L3MBTL1: variants seen among roughly 807,000 people sequenced by gnomAD.
L3MBTL1 encodes L3MBTL histone methyl-lysine binding protein 1.
L3MBTL1 carries 75 observed loss-of-function variants against 105.3 expected under a neutral mutation model. The ratio of observed to expected loss-of-function variants is 0.71; its 90% CI spans 0.59 to 0.86. The LOEUF is 0.86. Among genes scored for constraint, L3MBTL1 ranks in the 40% least tolerant of loss-of-function variants. The pLI, the probability that L3MBTL1 is intolerant of heterozygous loss-of-function variation, is 0.00. For missense variants in L3MBTL1, 1,069 were observed against 1,126.4 expected (o/e 0.95, Z 0.73); for synonymous variants, 452 against 436.2 (o/e 1.04, Z -0.45).
chr20:43,510,408 T>TTCTTTC (rs201351301), intron 1 of L3MBTL1, among the ~76,000 whole-genome samples: 717 of 68,632 alleles, frequency 0.01, 5 homozygotes, highest in African/African-American at 0.033. Context: ...CTTTCTTTCT[T>TTCTTTC]TTTTTTTTTT....
intron 13 of L3MBTL1, 97 bp from the exon 14 acceptor site, chr20:43,533,911 G>A: frequency 1.2e-6 from 1 of 843,572 alleles, no homozygotes. Flanking sequence ...CTACTCCAAG[G>A]GCTTCTGTCC....
Position 43,516,028 on chromosome 20 carries a change from C to A in L3MBTL1, c.778-65C>A, listed in dbSNP as rs1348741293. On this transcript the variant is annotated intron_variant, in intron 6 of 21. Coordinates refer to ENST00000418998, the MANE Select transcript of L3MBTL1 (RefSeq NM_001377303.1). ...CAGAGAGCCAGGTAGGGGCCAGGATCAGACCCTAGGGCTTCATCCCAAACC... is the reference window on the plus strand; with the variant it reads ...CAGAGAGCCAGGTAGGGGCCAGGATAAGACCCTAGGGCTTCATCCCAAACC... The A allele has an allele frequency of 1.9e-5, 24 of 1,272,668 alleles. No homozygotes were observed. In the Admixed American group the frequency reaches 3.7e-4, roughly 20 times the overall value. 78.8% of individuals were successfully genotyped at this position (1,272,668 alleles called of 1,614,324 possible).
In L3MBTL1 at chr20:43,513,982, C is replaced by G. The variant is rs992447163; in HGVS notation, c.281C>G (p.Pro94Arg). 34 of 1,545,762 alleles carry G rather than the reference C, an allele frequency of 2.2e-5. No individual in the cohort carries two copies. The Admixed American group carries it at 2.5e-4, about 12-fold the overall frequency. Residue 94 changes from proline to arginine, a missense_variant, in exon 3 of 22, where the codon CCG (proline) becomes CGG (arginine). Transcript: ENST00000418998. ...GTCCTGCCGCAGCTTAGCGCCGGGC[C>G]GGCCAGCTCCAGCACCAGCACAGTG... ...ATVLPQLSAGPASSSTSTVRL... is the reference protein window; with the variant it reads ...ATVLPQLSAGRASSSTSTVRL...
rs1319269565 is a variant in L3MBTL1, at chr20:43,527,538, ATAGTGTATGTGTGT to A, written c.863-1104_863-1091del. On this transcript the variant is annotated intron_variant, in intron 7 of 21. Coordinates refer to ENST00000418998, the MANE Select transcript of L3MBTL1 (RefSeq NM_001377303.1). ...AGGACCTGGGCTGTAGGTCCTGACC[ATAGTGTATGTGTGT>A]TAGTGTATGTGTGTGTGCACATAGG... is the stretch of plus-strand genomic sequence containing the variant. Among the ~76,000 whole-genome samples, 6 of 146,444 alleles carry A rather than the reference ATAGTGTATGTGTGT, an allele frequency of 4.1e-5. No individual in the cohort carries two copies. In the South Asian group the frequency reaches 1.3e-3, roughly 32 times the overall value.
At chr20:43,513,366 G>A in intron 1 of L3MBTL1, 110 bp from the exon 2 acceptor site, 9 of 1,107,132 alleles carry the variant, frequency 8.1e-6, no homozygotes, top group Non-Finnish European at 1.0e-5. Flanking sequence ...TGCAGGTCAC[G>A]GGTTTGAAGG....
At chr20:43,515,872 A>G (rs546413797) in intron 6 of L3MBTL1, 2 of 546,468 alleles carry the variant, frequency 3.7e-6, no homozygotes, top group South Asian at 2.2e-5. Context: ...AGTTGTAGTC[A>G]GGCTGTTTAA....
exon 19 of L3MBTL1, chr20:43,549,484 TC>T (rs1375069769): frequency 2.0e-5 from 3 of 152,230 alleles, no homozygotes; most frequent in Non-Finnish European, 4.4e-5. Flanking sequence ...GCCAGCTGGG[TC>T]CCTGCTGGGG....
At chr20:43,528,443 A>T (rs1485448767) in intron 7 of L3MBTL1, among the ~76,000 whole-genome samples, 3 of 152,136 alleles carry the variant, frequency 2.0e-5, no homozygotes, top group Non-Finnish European at 4.4e-5. Context: ...GTGGGGGGGA[A>T]GTGACGGGCA....
Position 43,541,766 on chromosome 20 carries a change from G to T in L3MBTL1, c.*638G>T. 1.0e-6 allele frequency: 1 copy of T among 953,398 alleles called. No individual in the cohort carries two copies. Among genetic ancestry groups the T allele is most frequent in the Non-Finnish European group, 1.3e-6 (1 of 799,964 alleles). 59.1% of individuals were successfully genotyped at this position (953,398 alleles called of 1,614,324 possible). A position where few individuals can be genotyped will look rare whatever the true frequency, so the allele number is the denominator to read the frequency against. ...GAATCATTGACAGAAATGTCTTTAT[G>T]TAGCATATGGCTGTGTATCACTAGT... On this transcript the variant is annotated 3_prime_UTR_variant, in exon 22 of 22. Transcript: ENST00000418998.
In L3MBTL1 at chr20:43,532,904, G is replaced by A. The variant is rs199710711; in HGVS notation, c.1416G>A (p.Trp472Ter). The A allele has an allele frequency of 9.9e-6, 16 of 1,614,142 alleles. No homozygotes were observed. The highest frequency in any genetic ancestry group is 2.7e-5 in the African/African-American group (2 of 75,042). ...GCTTCCTGGTGCACTTTGACAACTG[G>A]GATGATACTTATGACTACTGGTAGT... The part of the protein sequence containing the change: ...DSRFLVHFDN[W>*]DDTYDYWCDP... Residue 472 changes from tryptophan to a stop codon, truncating the protein, a stop_gained, in exon 12 of 22, where the codon TGG (tryptophan) becomes TGA (stop). Transcript: ENST00000418998. LOFTEE classifies it high-confidence loss of function.
At chr20:43,515,620 A>G in intron 6 of L3MBTL1, 1 of 620,248 alleles carries the variant, frequency 1.6e-6, no homozygotes, top group East Asian at 3.0e-5. Flanking sequence ...GATTTTCCAG[A>G]GCTCCCATCT....
At position 43,528,728 on chromosome 20, in the gene L3MBTL1, G is replaced by T. The variant is rs774483357; in HGVS notation, c.934G>T (p.Val312Phe). The T allele has an allele frequency of 6.2e-7, 1 of 1,613,614 alleles. No individual in the cohort carries two copies. The highest frequency in any genetic ancestry group is 2.2e-5 in the East Asian group (1 of 44,890). ...GGAGCAGAAGGCCATTACTGCTCCA[G>T]TCAGCCTCTTCCAGGACGTGAGTTG... is the stretch of plus-strand genomic sequence containing the variant. ...LEEQKAITAP[V>F]SLFQDSQAVT... The change falls in exon 8 of 22, where the codon GTC becomes TTC. Residue 312 changes from valine to phenylalanine, a missense_variant. By Grantham distance (50) the Val-to-Phe change is conservative. Transcript: ENST00000418998.
At chr20:43,525,206 G>A (rs896619156) in intron 7 of L3MBTL1, among the ~76,000 whole-genome samples, 8 of 151,992 alleles carry the variant, frequency 5.3e-5, no homozygotes, top group East Asian at 1.9e-4. Context: ...CTAGGGTAAC[G>A]AATACCGAAA....
rs567303624 is a variant in L3MBTL1, at chr20:43,516,993, T to A, written c.862+816T>A. ...ATTTTTGTTATAGAGATGGGGATCT[T>A]ACTTTGTTGCTCAGGCTGGTCTCGA... On this transcript the variant is annotated intron_variant, in intron 7 of 21. Coordinates refer to ENST00000418998, the MANE Select transcript of L3MBTL1 (RefSeq NM_001377303.1). Among the ~76,000 whole-genome samples the A allele has an allele frequency of 2.0e-5, 3 of 152,204 alleles. No homozygotes were observed. In the South Asian group the frequency reaches 6.2e-4, roughly 32 times the overall value.
In L3MBTL1 at chr20:43,514,013, T is replaced by C; in HGVS notation, c.312T>C (p.Leu104=). 1 of 1,541,044 alleles carries C rather than the reference T, an allele frequency of 6.5e-7. No individual in the cohort carries two copies. Among genetic ancestry groups the C allele is most frequent in the Non-Finnish European group, 8.7e-7 (1 of 1,146,806 alleles). The change falls in exon 3 of 22, where the codon CTT becomes CTC. Residue 104 remains leucine, a synonymous_variant. Coordinates refer to ENST00000418998, the MANE Select transcript of L3MBTL1 (RefSeq NM_001377303.1). The part of the protein sequence containing the change: ...PASSSTSTVR[L]LEWTEAAAPP... Reference sequence around the variant, plus strand: ...GCTCCAGCACCAGCACAGTGCGGCTTCTGGAATGGACAGAGGCCGCGGCCC... The same window carrying C: ...GCTCCAGCACCAGCACAGTGCGGCTCCTGGAATGGACAGAGGCCGCGGCCC...
intron 20 of L3MBTL1, among the ~76,000 whole-genome samples, 159 bp downstream of exon 20, chr20:43,540,467 G>C (rs2019858872): frequency 6.6e-6 from 1 of 152,120 alleles, no homozygotes; most frequent in South Asian, 2.1e-4. Flanking sequence ...TGCCCAGTAG[G>C]GGCTGACTGA....
chr20:43,513,983 G>A lies in L3MBTL1; in HGVS notation c.282G>A (p.Pro94=), dbSNP rs1423136581. The part of the protein sequence containing the change: ...ATVLPQLSAG[P]ASSSTSTVRL... ...TCCTGCCGCAGCTTAGCGCCGGGCC[G>A]GCCAGCTCCAGCACCAGCACAGTGC... The change falls in exon 3 of 22, where the codon CCG becomes CCA. Residue 94 remains proline, a synonymous_variant. Coordinates refer to ENST00000418998, the MANE Select transcript of L3MBTL1 (RefSeq NM_001377303.1). The A allele has an allele frequency of 3.2e-6, 5 of 1,545,718 alleles. No homozygotes were observed. Among genetic ancestry groups the A allele is most frequent in the African/African-American group, 2.7e-5 (2 of 73,038 alleles).
At chr20:43,526,313 A>G (rs1343323794) in intron 7 of L3MBTL1, among the ~76,000 whole-genome samples, 1 of 152,122 alleles carries the variant, frequency 6.6e-6, no homozygotes, top group Non-Finnish European at 1.5e-5. Context: ...ATTTGGGAAA[A>G]GTGAAGAGGT....
At chr20:43,514,423 ACCC>A in intron 3 of L3MBTL1, 1 of 1,457,186 alleles carries the variant, frequency 6.9e-7, no homozygotes, top group Non-Finnish European at 9.1e-7. Context: ...AGAGTGGGGC[ACCC>A]TGGGACTGGA....
Sources: gnomAD v4.1 joint callset for allele counts (sites outside exome capture counted in the v4.1 genomes callset) on GRCh38, gnomAD v4.1.1 for gene constraint, MANE v1.5 for transcripts, NCBI Gene and HGNC (gene_info 2026-07-23, HGNC 2026-07-21) for gene names.